The following CSTPP1 variants were observed in gnomAD, a reference collection of about 807,000 sequenced individuals.
CSTPP1 encodes the protein centriolar satellite-associated tubulin polyglutamylase complex regulator 1.
chr11:47,103,116 G>A, the CSTPP1 span, among the ~76,000 whole-genome samples: 5 of 151,986 alleles, frequency 3.3e-5, no homozygotes, highest in East Asian at 7.7e-4. Context: ...GTACAGCATC[G>A]GCAGGGTGTG....
chr11:46,992,511 A>T, the CSTPP1 span, among the ~76,000 whole-genome samples: 3 of 151,358 alleles, frequency 2.0e-5, no homozygotes, highest in East Asian at 3.9e-4. Context: ...TCCTTGTGAC[A>T]GTTTGCTCAG....
the CSTPP1 span, among the ~76,000 whole-genome samples, chr11:47,057,632 T>C: frequency 6.6e-6 from 1 of 152,074 alleles, no homozygotes; most frequent in Admixed American, 6.6e-5. Flanking sequence ...AGCAGTGTTA[T>C]TGAGTTGAGG....
At chr11:47,086,445 T>C in the CSTPP1 span, among the ~76,000 whole-genome samples, 13 of 150,472 alleles carry the variant, frequency 8.6e-5, 2 homozygotes, top group Admixed American at 7.3e-4. Flanking sequence ...GAAAAGGAAG[T>C]TGGGATCACC....
chr11:46,972,344 A>G, the CSTPP1 span, among the ~76,000 whole-genome samples: 2 of 152,138 alleles, frequency 1.3e-5, no homozygotes, highest in South Asian at 4.1e-4. Context: ...TACCCCAAAG[A>G]GATAGGACAG....
the CSTPP1 span, among the ~76,000 whole-genome samples, chr11:46,948,949 C>A: frequency 6.6e-6 from 1 of 152,046 alleles, no homozygotes; most frequent in Non-Finnish European, 1.5e-5. Flanking sequence ...CTCAAGAGTA[C>A]ATTCTAGTTA....
At chr11:46,943,121 G>C in the CSTPP1 span, among the ~76,000 whole-genome samples, 1 of 151,934 alleles carries the variant, frequency 6.6e-6, no homozygotes, top group Non-Finnish European at 1.5e-5. Flanking sequence ...TAATTCATAC[G>C]TATATGTGAA....
At chr11:47,150,795 CGAGGGAGGCAGGGGGCA>C in the CSTPP1 span, among the ~76,000 whole-genome samples, 25 of 139,124 alleles carry the variant, frequency 1.8e-4, no homozygotes, top group African/African-American at 5.5e-4. Context: ...GTGGGGGAGT[CGAGGGAGGCAGGGGGCA>C]GATGGAGCGG....
At chr11:47,138,647 G>A in the CSTPP1 span, among the ~76,000 whole-genome samples, 1 of 152,158 alleles carries the variant, frequency 6.6e-6, no homozygotes, top group Admixed American at 6.6e-5. Context: ...TGAGGTAATT[G>A]GACTATGCCT....
chr11:46,955,998 C>A, the CSTPP1 span, among the ~76,000 whole-genome samples: 4 of 142,158 alleles, frequency 2.8e-5, no homozygotes, highest in South Asian at 2.2e-4. Flanking sequence ...CCCCCCCCCC[C>A]CACCAAAAAA....
At chr11:47,017,997 C>T in the CSTPP1 span, among the ~76,000 whole-genome samples, 1 of 152,112 alleles carries the variant, frequency 6.6e-6, no homozygotes. Flanking sequence ...TTGAGATTAG[C>T]TTTTTTCACT....
At chr11:46,999,214 T>C in the CSTPP1 span, among the ~76,000 whole-genome samples, 2 of 151,268 alleles carry the variant, frequency 1.3e-5, no homozygotes, top group African/African-American at 4.8e-5. Flanking sequence ...AATAAAGCCT[T>C]ACATGATAAT....
the CSTPP1 span, among the ~76,000 whole-genome samples, chr11:47,064,188 T>G: frequency 6.6e-6 from 1 of 152,338 alleles, no homozygotes; most frequent in Non-Finnish European, 1.5e-5. Context: ...CGTTGAGTTG[T>G]AGGAGTTCTT....
At chr11:46,938,070 C>T in the CSTPP1 span, among the ~76,000 whole-genome samples, 5 of 151,746 alleles carry the variant, frequency 3.3e-5, no homozygotes, top group African/African-American at 1.2e-4. Context: ...GACGGGGTTT[C>T]ACCATGTTGG....
At chr11:46,974,320 G>C in the CSTPP1 span, among the ~76,000 whole-genome samples, 1 of 152,096 alleles carries the variant, frequency 6.6e-6, no homozygotes. Flanking sequence ...TTGAGGTCAA[G>C]AGTTCGAGAC....
chr11:46,947,896 C>T, the CSTPP1 span: 3 of 370,670 alleles, frequency 8.1e-6, no homozygotes, highest in South Asian at 4.1e-5. Context: ...AGGCATCTGG[C>T]GGGGATAGAG....
At chr11:47,156,545 C>T in the CSTPP1 span, among the ~76,000 whole-genome samples, 4 of 152,230 alleles carry the variant, frequency 2.6e-5, no homozygotes, top group Admixed American at 2.0e-4. Flanking sequence ...TGGCCACACA[C>T]CATGGGGCTT....
At chr11:47,137,665 T>C in the CSTPP1 span, 1 of 1,614,142 alleles carries the variant, frequency 6.2e-7, no homozygotes. Context: ...CATGAAAGAA[T>C]ATCACTGTTT....
the CSTPP1 span, among the ~76,000 whole-genome samples, chr11:46,956,232 A>G: frequency 3.3e-5 from 5 of 152,182 alleles, no homozygotes; most frequent in African/African-American, 1.2e-4. Flanking sequence ...AATAGGTAAT[A>G]GGGGAAGGGG....
the CSTPP1 span, among the ~76,000 whole-genome samples, chr11:47,005,677 A>G: frequency 6.6e-6 from 1 of 152,154 alleles, no homozygotes; most frequent in Non-Finnish European, 1.5e-5. Context: ...TTGGAATCAG[A>G]TAGGTCTATG....
Sources: gnomAD v4.1 joint callset for allele counts (sites outside exome capture counted in the v4.1 genomes callset) on GRCh38, gnomAD v4.1.1 for gene constraint, MANE v1.5 for transcripts, NCBI Gene and HGNC (gene_info 2026-07-23, HGNC 2026-07-21) for gene names.